ZNF184: variants seen among roughly 807,000 people sequenced by gnomAD.
ZNF184 encodes zinc finger protein 184.
A neutral mutation model predicts 54.4 loss-of-function variants in ZNF184; 16 were observed. The observed-to-expected ratio is 0.29, with a 90% confidence interval of 0.20 to 0.45. The LOEUF (loss-of-function observed/expected upper bound fraction) is 0.45, where lower values mean the gene tolerates loss of function less well. ZNF184 is among the 20% of genes least tolerant of loss of function. The pLI, the probability that ZNF184 is intolerant of heterozygous loss-of-function variation, is 1.00. For synonymous variants in ZNF184, 254 were observed against 295.3 expected, an observed-to-expected ratio of 0.86 and a Z score of 1.43; for missense variants, 681 against 888.2, an observed-to-expected ratio of 0.77 and a Z score of 2.97.
intron 3 of ZNF184, among the ~76,000 whole-genome samples, chr6:27,466,768 T>G (rs1275583315): frequency 6.6e-6 from 1 of 152,178 alleles, no homozygotes; most frequent in Admixed American, 6.5e-5. Flanking sequence ...GAACACGAAT[T>G]AAGCAGGGGG....
the ZNF184 span, among the ~76,000 whole-genome samples, chr6:27,438,628 C>T: frequency 2.0e-5 from 3 of 152,128 alleles, no homozygotes; most frequent in Non-Finnish European, 4.4e-5. Context: ...TTTATTCTTC[C>T]ATGTCAGATC....
At chr6:27,423,518 A>G in the ZNF184 span, among the ~76,000 whole-genome samples, 3 of 152,142 alleles carry the variant, frequency 2.0e-5, no homozygotes, top group Non-Finnish European at 4.4e-5. Context: ...ATAATAATTC[A>G]GCCCATCAAA....
the ZNF184 span, among the ~76,000 whole-genome samples, chr6:27,428,409 C>A: frequency 2.0e-5 from 3 of 152,262 alleles, no homozygotes; most frequent in African/African-American, 7.2e-5. The surrounding 1 kb of genome is among the most constrained non-coding windows in gnomAD (Gnocchi z 4.1). Context: ...CCCTTTCTTC[C>A]CTACAAAGAT....
the ZNF184 span, among the ~76,000 whole-genome samples, chr6:27,413,075 A>G: frequency 7.8e-5 from 11 of 141,854 alleles, no homozygotes; most frequent in Non-Finnish European, 1.2e-4. Flanking sequence ...TGTCTCTACT[A>G]TGGAGAAACC....
rs951401941 is a variant in ZNF184 at position 27,453,012 on chromosome 6, A to G, written c.547T>C (p.Phe183Leu). 6.2e-7 allele frequency: 1 copy of G among 1,613,926 alleles called. No individual in the cohort carries two copies. The highest frequency in any genetic ancestry group is 2.2e-5 in the East Asian group (1 of 44,872). Residue 183 changes from phenylalanine to leucine, a missense_variant, in exon 6 of 6, where the codon TTT (phenylalanine) becomes CTT (leucine). By Grantham distance (22) the Phe-to-Leu change is conservative. Coordinates refer to ENST00000683788, the MANE Select transcript of ZNF184 (RefSeq NM_001318891.2). This position sits in a 1 kb window ranked among gnomAD's most constrained non-coding sequence, Gnocchi z 4.7. The part of the protein sequence containing the change: ...SWEKGPVNNE[F>L]GKSVNVSSNL... ...GAACTCACATTGACACTTTTCCCAA[A>G]TTCATTATTTACAGGGCCTTTTTCC... is the stretch of plus-strand genomic sequence containing the variant.
At chr6:27,432,460 T>TA in the ZNF184 span, among the ~76,000 whole-genome samples, 11 of 152,102 alleles carry the variant, frequency 7.2e-5, no homozygotes, top group Non-Finnish European at 7.4e-5. This position sits in a 1 kb window ranked among gnomAD's most constrained non-coding sequence, Gnocchi z 4.0. Context: ...AGCTGCTTCT[T>TA]AAAAAAAATC....
At chr6:27,440,593 G>T in the ZNF184 span, among the ~76,000 whole-genome samples, 9 of 152,270 alleles carry the variant, frequency 5.9e-5, no homozygotes, top group African/African-American at 2.2e-4. Flanking sequence ...GATTTGTAAA[G>T]GTGTTGACAA....
chr6:27,418,609 C>A, the ZNF184 span, among the ~76,000 whole-genome samples: 2 of 152,128 alleles, frequency 1.3e-5, no homozygotes, highest in Admixed American at 1.3e-4. Flanking sequence ...TTGCATTTTT[C>A]TGACCCTAGG....
chr6:27,413,024 G>A, the ZNF184 span, among the ~76,000 whole-genome samples: 2 of 152,124 alleles, frequency 1.3e-5, no homozygotes, highest in Admixed American at 1.3e-4. Context: ...ATCACCTGAA[G>A]TTGGGAGTTC....
At chr6:27,449,312 G>A (rs1762672979), downstream of ZNF184, among the ~76,000 whole-genome samples, 1 of 152,166 alleles carries the variant, frequency 6.6e-6, no homozygotes, top group East Asian at 1.9e-4. Flanking sequence ...TAAACAACTG[G>A]CTGGCTTTAC....
chr6:27,411,160 A>G, the ZNF184 span, among the ~76,000 whole-genome samples: 1 of 152,208 alleles, frequency 6.6e-6, no homozygotes, highest in African/African-American at 2.4e-5. Flanking sequence ...CTTGTTGCAC[A>G]ACCTCCAGAG....
the ZNF184 span, among the ~76,000 whole-genome samples, chr6:27,412,047 G>A: frequency 1.3e-5 from 2 of 152,180 alleles, no homozygotes; most frequent in Non-Finnish European, 2.9e-5. Context: ...GCAACATGGT[G>A]GCTGTGGGCA....
At chr6:27,465,206 AG>A (rs2113731621) in intron 3 of ZNF184, among the ~76,000 whole-genome samples, 1 of 149,144 alleles carries the variant, frequency 6.7e-6, no homozygotes, top group Non-Finnish European at 1.5e-5. Flanking sequence ...AAAACCCGGC[AG>A]GGCGCGGTGG....
At chr6:27,414,122 C>G in the ZNF184 span, among the ~76,000 whole-genome samples, 8 of 152,154 alleles carry the variant, frequency 5.3e-5, no homozygotes, top group African/African-American at 1.9e-4. Context: ...ATATCTAAAC[C>G]ATCAGCAAAT....
Position 27,451,919 on chromosome 6 carries a change from T to C in ZNF184, c.1640A>G (p.Lys547Arg), listed in dbSNP as rs1410091594. ...KAFIRSSSLA[K>R]HERIHTGEKP... The stretch of plus-strand genomic sequence containing the variant: ...CTCTCCAGTATGAATTCTTTCATGC[T>C]TAGCAAGAGATGAACTCCGAATAAA... Residue 547 changes from lysine to arginine, a missense_variant, in exon 6 of 6, where the codon AAG becomes AGG. By Grantham distance (26) the Lys-to-Arg change is conservative. Transcript: ENST00000683788. 6.2e-7 allele frequency: 1 copy of C among 1,612,688 alleles called. No homozygotes were observed. The highest frequency in any genetic ancestry group is 8.5e-7 in the Non-Finnish European group (1 of 1,179,980).
At chr6:27,465,357 T>C (rs1581586723) in intron 3 of ZNF184, among the ~76,000 whole-genome samples, 3 of 149,030 alleles carry the variant, frequency 2.0e-5, no homozygotes, top group Middle Eastern at 3.5e-3. Flanking sequence ...TGGTGGCAGG[T>C]GCCTGTAGTC....
the ZNF184 span, among the ~76,000 whole-genome samples, chr6:27,413,824 T>A: frequency 6.6e-6 from 1 of 152,216 alleles, no homozygotes; most frequent in Non-Finnish European, 1.5e-5. Context: ...TGGATGTGGA[T>A]CCATGCTAAG....
At chr6:27,461,449 AC>A (rs747860691) in intron 3 of ZNF184, among the ~76,000 whole-genome samples, 15 of 152,186 alleles carry the variant, frequency 9.9e-5, no homozygotes, top group Non-Finnish European at 2.1e-4. Flanking sequence ...TCCCTGAAAC[AC>A]AGCCCTAGAG....
Position 27,451,575 on chromosome 6 carries a change from G to A in ZNF184, c.1984C>T (p.Arg662Ter), listed in dbSNP as rs377450857. Residue 662 changes from arginine to a stop codon, truncating the protein, a stop_gained, in exon 6 of 6, where the codon CGA becomes TGA. Coordinates refer to ENST00000683788, the MANE Select transcript of ZNF184 (RefSeq NM_001318891.2). LOFTEE classifies it high-confidence loss of function. Reference sequence around the variant, plus strand: ...TAGGGCTTCTCCCCAGTGTGAATTCGTTGATGCTGAGTTAGATGGGAGCTC... The same window carrying A: ...TAGGGCTTCTCCCCAGTGTGAATTCATTGATGCTGAGTTAGATGGGAGCTC... ...SQSSHLTQHQ[R>*]IHTGEKPYKC... 1 of 1,614,000 alleles carries A rather than the reference G, an allele frequency of 6.2e-7. No individual in the cohort carries two copies. Among genetic ancestry groups the A allele is most frequent in the Admixed American group, 1.7e-5 (1 of 60,010 alleles).
Sources: gnomAD v4.1 joint callset for allele counts (sites outside exome capture counted in the v4.1 genomes callset) on GRCh38, gnomAD v4.1.1 for gene constraint, Gnocchi (gnomAD v3.1) non-coding constraint, MANE v1.5 for transcripts, NCBI Gene and HGNC (gene_info 2026-07-23, HGNC 2026-07-21) for gene names.